The following STARD13 variants were observed in gnomAD, a reference collection of about 807,000 sequenced individuals.
STARD13 encodes StAR related lipid transfer domain containing 13.
Under a neutral mutation model 106.4 loss-of-function variants are expected in STARD13, and 62 were observed. The ratio of observed to expected loss-of-function variants is 0.58; its 90% CI spans 0.48 to 0.72. The LOEUF (loss-of-function observed/expected upper bound fraction) is 0.72, where lower values mean the gene tolerates loss of function less well. STARD13 is among the 30% of genes least tolerant of loss of function. The pLI, the probability that STARD13 is intolerant of heterozygous loss-of-function variation, is 0.00. For missense variants in STARD13, 1,387 were observed against 1,424.0 expected (o/e 0.97, Z 0.42); for synonymous variants, 565 against 553.0 (o/e 1.02, Z -0.31).
chr13:33,440,993 C>A, the STARD13 span, among the ~76,000 whole-genome samples: 5 of 151,856 alleles, frequency 3.3e-5, no homozygotes, highest in African/African-American at 1.2e-4. Context: ...CAAAACTCAA[C>A]GTCCTCTCCT....
the STARD13 span, among the ~76,000 whole-genome samples, chr13:33,426,940 TG>T: frequency 1.1e-4 from 17 of 152,330 alleles, no homozygotes; most frequent in Non-Finnish European, 2.1e-4. Flanking sequence ...TTTATGAACT[TG>T]TATTCACCAT....
the STARD13 span, among the ~76,000 whole-genome samples, chr13:33,628,673 C>G: frequency 1.3e-5 from 2 of 152,190 alleles, no homozygotes; most frequent in Non-Finnish European, 2.9e-5. Context: ...TAACAGGCAC[C>G]TGAACCTCCG....
At position 33,130,106 on chromosome 13, in the gene STARD13, T is replaced by A; in HGVS notation, c.571A>T (p.Ser191Cys). 2 of 1,614,076 alleles carry A rather than the reference T, an allele frequency of 1.2e-6. No individual in the cohort carries two copies. Among genetic ancestry groups the A allele is most frequent in the Non-Finnish European group, 1.7e-6 (2 of 1,180,008 alleles). Residue 191 changes from serine to cysteine, a missense_variant, in exon 5 of 14, where the codon AGC becomes TGC. Physicochemically the swap from Ser to Cys is moderately radical, Grantham distance 112 (BLOSUM62 -1). Coordinates refer to ENST00000336934, the MANE Select transcript of STARD13 (RefSeq NM_178006.4). This position sits in a 1 kb window ranked among gnomAD's most constrained non-coding sequence, Gnocchi z 4.1. ...TSSESVLTDLSEPEVCSIHSE... is the reference protein window; with the variant it reads ...TSSESVLTDLCEPEVCSIHSE... Reference sequence around the variant, plus strand: ...TGAATGGAGCAGACCTCAGGCTCGCTCAGGTCTGTGAGGACGCTCTCACTG... The same window carrying A: ...TGAATGGAGCAGACCTCAGGCTCGCACAGGTCTGTGAGGACGCTCTCACTG...
chr13:33,558,455 G>A, the STARD13 span, among the ~76,000 whole-genome samples: 1 of 152,054 alleles, frequency 6.6e-6, no homozygotes, highest in Non-Finnish European at 1.5e-5. Context: ...ATATGGCCCT[G>A]TTGGTAAGGT....
Position 33,109,790 on chromosome 13 carries a change from G to C in STARD13, c.3047+83C>G, listed in dbSNP as rs546280360. 1,768 of 1,327,858 alleles carry C rather than the reference G, an allele frequency of 1.3e-3. 1 individual carries two copies. Among genetic ancestry groups the C allele is most frequent in the Non-Finnish European group, 1.8e-3 (1,688 of 932,036 alleles). The allele number at this position is 1,327,858 out of a possible 1,614,324, so 82.3% of individuals were successfully genotyped here. The stretch of plus-strand genomic sequence containing the variant: ...CCCCGTGGAGGCTGGACTTTGGTGG[G>C]AGACACCAGGAGAAGTGCTCACATC... On this transcript the variant is annotated intron_variant, in intron 12 of 13. Transcript: ENST00000336934.
At chr13:33,575,379 A>G in the STARD13 span, among the ~76,000 whole-genome samples, 2 of 152,162 alleles carry the variant, frequency 1.3e-5, no homozygotes, top group Non-Finnish European at 2.9e-5. Context: ...TCCTGCCCAC[A>G]TTGGCCAAAT....
At chr13:33,242,587 C>T (rs1221385231) in intron 1 of STARD13, among the ~76,000 whole-genome samples, 1 of 152,088 alleles carries the variant, frequency 6.6e-6, no homozygotes, top group Non-Finnish European at 1.5e-5. Flanking sequence ...TCCCTAATCT[C>T]AAGTACCCAG....
chr13:33,192,596 T>A (rs1211745413), intron 1 of STARD13, among the ~76,000 whole-genome samples: 1 of 152,188 alleles, frequency 6.6e-6, no homozygotes, highest in East Asian at 1.9e-4. Context: ...CAAGAGCTTT[T>A]AAAAAGGTAT....
the STARD13 span, among the ~76,000 whole-genome samples, chr13:33,492,458 C>G: frequency 1.3e-5 from 2 of 152,226 alleles, no homozygotes; most frequent in Admixed American, 1.3e-4. Flanking sequence ...TTCTAAGTCA[C>G]AGAATGAGAT....
chr13:33,469,357 T>G, the STARD13 span, among the ~76,000 whole-genome samples: 1 of 152,190 alleles, frequency 6.6e-6, no homozygotes, highest in Admixed American at 6.5e-5. Context: ...ATCCAGTAAT[T>G]TTAAGAATTA....
the STARD13 span, among the ~76,000 whole-genome samples, chr13:33,584,280 A>G: frequency 6.6e-6 from 1 of 152,230 alleles, no homozygotes; most frequent in Non-Finnish European, 1.5e-5. Context: ...GACTACAGGA[A>G]GCCTGATGCT....
At chr13:33,310,322 A>G (rs1566132225) in intron 1 of STARD13, among the ~76,000 whole-genome samples, 1 of 152,214 alleles carries the variant, frequency 6.6e-6, no homozygotes, top group Non-Finnish European at 1.5e-5. Flanking sequence ...CATATTTTAC[A>G]AAATATTTTC....
intron 1 of STARD13, among the ~76,000 whole-genome samples, chr13:33,243,437 G>A (rs1484727579): frequency 2.6e-5 from 4 of 152,160 alleles, no homozygotes; most frequent in African/African-American, 9.7e-5. Context: ...GAGTACCTGG[G>A]TGTGGGAAGG....
chr13:33,571,059 G>A, the STARD13 span, among the ~76,000 whole-genome samples: 5 of 152,186 alleles, frequency 3.3e-5, 1 homozygote, highest in South Asian at 1.0e-3. Flanking sequence ...AAAGACTCTA[G>A]TCCTATGGAT....
At position 33,130,412 on chromosome 13, in the gene STARD13, G is replaced by A. The variant is rs951015278; in HGVS notation, c.388-123C>T. On this transcript the variant is annotated intron_variant, in intron 4 of 13. Coordinates refer to ENST00000336934, the MANE Select transcript of STARD13 (RefSeq NM_178006.4). This position sits in a 1 kb window ranked among gnomAD's most constrained non-coding sequence, Gnocchi z 4.1. ...CTCCCCTCTGTCCTCCCATGCACAG[G>A]TGTGAGCTTCTTGGGCACCTCTAAG... The A allele has an allele frequency of 2.2e-6, 2 of 911,760 alleles. No homozygotes were observed. Among genetic ancestry groups the A allele is most frequent in the African/African-American group, 1.7e-5 (1 of 60,288 alleles). 56.5% of individuals were successfully genotyped at this position (911,760 alleles called of 1,614,324 possible). A position where few individuals can be genotyped will look rare whatever the true frequency, so the allele number is the denominator to read the frequency against.
intron 1 of STARD13, among the ~76,000 whole-genome samples, chr13:33,324,361 A>G (rs1035578108): frequency 5.3e-5 from 8 of 151,852 alleles, no homozygotes; most frequent in African/African-American, 1.9e-4. Context: ...CCTACATAAC[A>G]AAAGCTCCTT....
the STARD13 span, among the ~76,000 whole-genome samples, chr13:33,432,473 T>C: frequency 6.6e-6 from 1 of 152,176 alleles, no homozygotes; most frequent in Non-Finnish European, 1.5e-5. Flanking sequence ...AAGGGGCAGC[T>C]TCACAAAACA....
chr13:33,360,681 A>ATCCTTCTGTGTAGACAGAAGGAT, the STARD13 span, among the ~76,000 whole-genome samples: 72 of 50,938 alleles, frequency 1.4e-3, no homozygotes, highest in Non-Finnish European at 2.3e-3. Context: ...GACAGAAGGA[A>ATCCTTCTGTGTAGACAGAAGGAT]TCCTTCTGTG....
the STARD13 span, chr13:33,661,486 T>G: frequency 1.4e-4 from 22 of 152,232 alleles, no homozygotes; most frequent in African/African-American, 4.3e-4. Context: ...GTTCTCACAC[T>G]TCTATAAAGA....
Sources: gnomAD v4.1 joint callset for allele counts (sites outside exome capture counted in the v4.1 genomes callset) on GRCh38, gnomAD v4.1.1 for gene constraint, Gnocchi (gnomAD v3.1) non-coding constraint, MANE v1.5 for transcripts, NCBI Gene and HGNC (gene_info 2026-07-23, HGNC 2026-07-21) for gene names.